Variants in PLPPR1 observed in about 807,000 individuals in gnomAD.
PLPPR1 encodes phospholipid phosphatase-related protein type 1.
PLPPR1 carries 10 observed loss-of-function variants against 33.1 expected under a neutral mutation model. The ratio of observed to expected loss-of-function variants is 0.30; its 90% CI spans 0.19 to 0.51. The LOEUF is 0.51. Among genes scored for constraint, PLPPR1 ranks in the 20% least tolerant of loss-of-function variants. The pLI, the probability that PLPPR1 is intolerant of heterozygous loss-of-function variation, is 0.97. For missense variants in PLPPR1, 304 were observed against 408.1 expected, an observed-to-expected ratio of 0.74 and a Z score of 2.20; for synonymous variants, 151 against 151.0, an observed-to-expected ratio of 1.00 and a Z score of 0.00.
chr9:101,285,940 C>A (rs897005433), intron 3 of PLPPR1, among the ~76,000 whole-genome samples, 164 bp from the exon 4 acceptor site: 3 of 152,188 alleles, frequency 2.0e-5, no homozygotes, highest in Non-Finnish European at 2.9e-5. Context: ...TTCTCTAATT[C>A]TTTTGAAGTG....
Position 101,312,805 on chromosome 9 carries a change from T to C in PLPPR1, c.644T>C (p.Ile215Thr). ...GCCTCTGTCCTATTCCAGATGTATA[T>C]TACAAGCACAATCAAGACGAAGAGC... ...IYSALYATMYITSTIKTKSSR... is the reference protein window; with the variant it reads ...IYSALYATMYTTSTIKTKSSR... The change falls in exon 6 of 8, where the codon ATT becomes ACT. Residue 215 changes from isoleucine to threonine, a missense_variant. Coordinates refer to ENST00000374874, the MANE Select transcript of PLPPR1 (RefSeq NM_207299.2). 2 of 1,614,030 alleles carry C rather than the reference T, an allele frequency of 1.2e-6. No individual in the cohort carries two copies. The highest frequency in any genetic ancestry group is 1.7e-6 in the Non-Finnish European group (2 of 1,180,016).
Position 101,238,641 on chromosome 9 carries a change from A to T in PLPPR1, c.64-31239A>T, listed in dbSNP as rs114718380. The stretch of plus-strand genomic sequence containing the variant: ...ATTGGAGACACTAAAAGGCGGAAAA[A>T]TAGGAGGAGAGTGAGGGTTGAAAAA... On this transcript the variant is annotated intron_variant, in intron 2 of 7. Coordinates refer to ENST00000374874, the MANE Select transcript of PLPPR1 (RefSeq NM_207299.2). Among the ~76,000 whole-genome samples the T allele has an allele frequency of 6.7e-3, 1,023 of 151,780 alleles. 8 individuals carry two copies. Among genetic ancestry groups the T allele is most frequent in the African/African-American group, 0.023 (941 of 41,430 alleles).
chr9:101,248,495 A>C (rs1299410758), intron 2 of PLPPR1, among the ~76,000 whole-genome samples: 2 of 152,080 alleles, frequency 1.3e-5, no homozygotes, highest in African/African-American at 4.8e-5. Context: ...ATGTTCAGAA[A>C]GTTTTAAAGA....
At chr9:101,301,895 A>C (rs906645727) in intron 4 of PLPPR1, among the ~76,000 whole-genome samples, 2 of 152,208 alleles carry the variant, frequency 1.3e-5, no homozygotes, top group Non-Finnish European at 2.9e-5. Flanking sequence ...ACATTTCATG[A>C]GGGACATGTT....
intron 1 of PLPPR1, among the ~76,000 whole-genome samples, chr9:101,122,785 T>G (rs1289774473): frequency 6.6e-6 from 1 of 152,226 alleles, no homozygotes; most frequent in African/African-American, 2.4e-5. Flanking sequence ...ACTACTGTAC[T>G]TCCATCTTCA....
At chr9:101,127,187 G>A (rs370574313) in intron 1 of PLPPR1, among the ~76,000 whole-genome samples, 78 of 152,152 alleles carry the variant, frequency 5.1e-4, no homozygotes, top group Non-Finnish European at 9.0e-4. Flanking sequence ...AGACATCCTC[G>A]GGTGTCCTTT....
intron 2 of PLPPR1, among the ~76,000 whole-genome samples, chr9:101,189,153 A>C (rs185323085): frequency 1.1e-3 from 162 of 152,244 alleles, no homozygotes; most frequent in African/African-American, 3.8e-3. Flanking sequence ...GCTTGGTTTC[A>C]TACATTTTAG....
At chr9:101,142,120 A>G (rs562688923) in intron 1 of PLPPR1, among the ~76,000 whole-genome samples, 1 of 152,306 alleles carries the variant, frequency 6.6e-6, no homozygotes, top group South Asian at 2.1e-4. Context: ...CTTCACCAAG[A>G]GAATATCTCA....
Position 101,129,843 on chromosome 9 carries a change from AT to A in PLPPR1, c.-45-55606del, listed in dbSNP as rs1487292549. On this transcript the variant is annotated intron_variant, in intron 1 of 7. Coordinates refer to ENST00000374874, the MANE Select transcript of PLPPR1 (RefSeq NM_207299.2). ...AAGACTGTCTCAAAACAATAAAAAAATAAATAAAAGGGAAAAAAATTCATAC... is the reference window on the plus strand; with the variant it reads ...AAGACTGTCTCAAAACAATAAAAAAAAAATAAAAGGGAAAAAAATTCATAC... 1.2e-4 allele frequency among the ~76,000 whole-genome samples: 18 copies of A among 152,346 alleles called. No homozygotes were observed. In the South Asian group the frequency reaches 2.5e-3, roughly 21 times the overall value.
At chr9:101,051,066 T>G (rs1372985837) in intron 1 of PLPPR1, among the ~76,000 whole-genome samples, 3 of 152,218 alleles carry the variant, frequency 2.0e-5, no homozygotes, top group African/African-American at 7.2e-5. Flanking sequence ...TTCAGTCTAC[T>G]TTTCCAGCGT....
intron 1 of PLPPR1, among the ~76,000 whole-genome samples, chr9:101,158,697 G>A (rs911400849): frequency 2.0e-5 from 3 of 152,282 alleles, no homozygotes; most frequent in African/African-American, 4.8e-5. Context: ...ACCTTCAAAC[G>A]TTGGTTGAGG....
At chr9:101,220,635 T>C (rs1042684534) in intron 2 of PLPPR1, among the ~76,000 whole-genome samples, 14 of 152,208 alleles carry the variant, frequency 9.2e-5, no homozygotes, top group African/African-American at 3.4e-4. Flanking sequence ...ACTTTCCTCT[T>C]GTGGTAGTAG....
At chr9:101,125,547 G>A (rs145832222) in intron 1 of PLPPR1, 2 of 463,050 alleles carry the variant, frequency 4.3e-6, no homozygotes, top group East Asian at 5.2e-5. Flanking sequence ...AAGGGAATAG[G>A]AAGTGCTGTC....
chr9:101,207,197 G>T (rs544515962), intron 2 of PLPPR1, among the ~76,000 whole-genome samples: 1 of 151,882 alleles, frequency 6.6e-6, no homozygotes, highest in Non-Finnish European at 1.5e-5. Flanking sequence ...TTGGCTCAGG[G>T]AATGAGTAGA....
chr9:101,316,976 T>C (rs1313356436), intron 6 of PLPPR1, among the ~76,000 whole-genome samples: 1 of 152,096 alleles, frequency 6.6e-6, no homozygotes, highest in East Asian at 1.9e-4. Context: ...GTACCTCCCT[T>C]ATGAAATTGT....
rs781288748 is a variant in PLPPR1, at chr9:101,108,357, CCTGA to C, written c.-45-77088_-45-77085del. Among the ~76,000 whole-genome samples the C allele has an allele frequency of 1.3e-3, 195 of 152,248 alleles. 2 individuals are homozygous for C. The highest frequency in any genetic ancestry group is 2.3e-3 in the Non-Finnish European group (157 of 68,018). The stretch of plus-strand genomic sequence containing the variant: ...TGCAAGGCTTATTCTACTTCGTATT[CCTGA>C]CTGATAGCATAGAATCTGGTACCCA... On this transcript the variant is annotated intron_variant, in intron 1 of 7. Transcript: ENST00000374874.
At chr9:101,062,963 G>A (rs76694658) in intron 1 of PLPPR1, among the ~76,000 whole-genome samples, 3,262 of 151,988 alleles carry the variant, frequency 0.021, 95 homozygotes, top group East Asian at 0.14. Flanking sequence ...TGGGAGCAGC[G>A]GGAATGGGCT....
intron 3 of PLPPR1, among the ~76,000 whole-genome samples, chr9:101,281,004 T>G: frequency 6.6e-6 from 1 of 152,092 alleles, no homozygotes; most frequent in African/African-American, 2.4e-5. Flanking sequence ...CTATATGATC[T>G]TATATTTGGA....
intron 3 of PLPPR1, among the ~76,000 whole-genome samples, chr9:101,279,018 G>T (rs557590800): frequency 2.0e-5 from 3 of 152,060 alleles, no homozygotes; most frequent in Non-Finnish European, 4.4e-5. Flanking sequence ...ATCTCAATAC[G>T]CAGCCCCAAG....
Sources: allele counts gnomAD v4.1 joint callset (sites outside exome capture counted in the v4.1 genomes callset), GRCh38; gene constraint gnomAD v4.1.1; transcripts MANE v1.5; gene names NCBI Gene and HGNC (gene_info 2026-07-23, HGNC 2026-07-21).